The following CDH13 variants were observed in gnomAD, a reference collection of about 807,000 sequenced individuals.
CDH13 encodes cadherin-13.
Under a neutral mutation model 63.8 loss-of-function variants are expected in CDH13, and 24 were observed. The ratio of observed to expected loss-of-function variants is 0.38; its 90% CI spans 0.27 to 0.53. The LOEUF (loss-of-function observed/expected upper bound fraction) is 0.53. CDH13 is among the 20% of genes least tolerant of loss of function. The pLI, the probability that CDH13 is intolerant of heterozygous loss-of-function variation, is 0.85. For synonymous variants in CDH13, 503 were observed against 355.3 expected (o/e 1.42, Z -4.67); for missense variants, 1,049 against 903.1 (o/e 1.16, Z -2.07).
intron 6 of CDH13, among the ~76,000 whole-genome samples, chr16:83,363,364 A>G (rs932349635): frequency 1.3e-4 from 20 of 152,224 alleles, no homozygotes; most frequent in African/African-American, 4.6e-4. Context: ...ATATGTGAGT[A>G]TGCATGTGTG....
At chr16:83,781,937 A>T (rs2113147) in intron 12 of CDH13, among the ~76,000 whole-genome samples, 21,167 of 151,926 alleles carry the variant, frequency 0.14, 1,969 homozygotes, top group East Asian at 0.45. Flanking sequence ...ATTAAAAAAA[A>T]AAAGAAGAAA....
intron 1 of CDH13, among the ~76,000 whole-genome samples, chr16:82,675,030 T>G (rs1270291718): frequency 6.6e-6 from 1 of 152,202 alleles, no homozygotes; most frequent in Non-Finnish European, 1.5e-5. Flanking sequence ...TACCTTTATT[T>G]CTATTCTAAT....
At chr16:83,516,894 T>G (rs1410769796) in intron 7 of CDH13, among the ~76,000 whole-genome samples, 1 of 152,188 alleles carries the variant, frequency 6.6e-6, no homozygotes, top group Non-Finnish European at 1.5e-5. Flanking sequence ...GAAGTGGTAT[T>G]TATTTTGAGA....
At chr16:82,725,583 G>T (rs1388255126) in intron 1 of CDH13, among the ~76,000 whole-genome samples, 1 of 152,194 alleles carries the variant, frequency 6.6e-6, no homozygotes, top group Non-Finnish European at 1.5e-5. Context: ...CTGGCACATG[G>T]TGACCTCTTA....
intron 7 of CDH13, among the ~76,000 whole-genome samples, chr16:83,517,830 C>G (rs899736939): frequency 6.6e-6 from 1 of 152,164 alleles, no homozygotes; most frequent in Non-Finnish European, 1.5e-5. Context: ...ATAGAATACA[C>G]GTGGCACTCT....
At chr16:83,659,492 C>G (rs920831833) in intron 8 of CDH13, among the ~76,000 whole-genome samples, 8 of 152,244 alleles carry the variant, frequency 5.3e-5, no homozygotes, top group Admixed American at 5.2e-4. Context: ...CTAAAAGGGA[C>G]CTCAGTGGTT....
chr16:83,774,441 C>A (rs1352664503), intron 11 of CDH13, among the ~76,000 whole-genome samples: 1 of 152,078 alleles, frequency 6.6e-6, no homozygotes, highest in Non-Finnish European at 1.5e-5. Flanking sequence ...GGTGCAGTCT[C>A]AGCTCACTGC....
rs1414117707 is a variant in CDH13, at chr16:82,851,774, A to G, written c.46-6588A>G. ...GCAGTATGCCTTTGTAAACCCTTCC[A>G]GGACTCTGGGTTTGTGCTCCCTGGG... On this transcript the variant is annotated intron_variant, in intron 1 of 13. Coordinates refer to ENST00000567109, the MANE Select transcript of CDH13 (RefSeq NM_001257.5). 2.0e-5 allele frequency among the ~76,000 whole-genome samples: 3 copies of G among 152,054 alleles called. No individual in the cohort carries two copies. The East Asian group carries it at 5.8e-4, about 29-fold the overall frequency.
At chr16:82,942,172 G>A (rs549207322) in intron 2 of CDH13, among the ~76,000 whole-genome samples, 5 of 152,192 alleles carry the variant, frequency 3.3e-5, no homozygotes, top group African/African-American at 1.2e-4. Flanking sequence ...CTTTTCGTAG[G>A]TTTCATGATT....
chr16:83,377,989 A>G (rs2091488223), intron 6 of CDH13, among the ~76,000 whole-genome samples: 1 of 152,158 alleles, frequency 6.6e-6, no homozygotes, highest in African/African-American at 2.4e-5. Flanking sequence ...ATGTAAAACA[A>G]ATATATCCCT....
chr16:83,697,931 A>G (rs1410283762), intron 10 of CDH13, among the ~76,000 whole-genome samples: 1 of 152,226 alleles, frequency 6.6e-6, no homozygotes, highest in Non-Finnish European at 1.5e-5. Flanking sequence ...TACAGGCGTG[A>G]GCCACTGCAC....
At chr16:83,155,723 A>G (rs2037179950) in intron 4 of CDH13, among the ~76,000 whole-genome samples, 1 of 152,188 alleles carries the variant, frequency 6.6e-6, no homozygotes, top group African/African-American at 2.4e-5. Flanking sequence ...AGATGAGGAG[A>G]GGAAACAACA....
At chr16:82,856,134 T>G (rs1012840468) in intron 1 of CDH13, among the ~76,000 whole-genome samples, 3 of 152,134 alleles carry the variant, frequency 2.0e-5, no homozygotes, top group Admixed American at 2.0e-4. Flanking sequence ...CCCAGCACTT[T>G]GGGAGGCCGA....
chr16:82,749,691 A>C (rs755716404), intron 1 of CDH13, among the ~76,000 whole-genome samples: 1 of 152,014 alleles, frequency 6.6e-6, no homozygotes, highest in Non-Finnish European at 1.5e-5. Context: ...ACCTCCTTAA[A>C]CTTAACGTAT....
chr16:82,689,954 G>T (rs1268499441), intron 1 of CDH13, among the ~76,000 whole-genome samples: 1 of 114,120 alleles, frequency 8.8e-6, no homozygotes, highest in African/African-American at 3.4e-5. Flanking sequence ...ACACCAGCCT[G>T]ACCAACATGG....
intron 2 of CDH13, among the ~76,000 whole-genome samples, chr16:82,945,106 A>G (rs925177358): frequency 1.3e-5 from 2 of 152,208 alleles, no homozygotes; most frequent in African/African-American, 4.8e-5. Context: ...AAAACAGTGT[A>G]GAGAAAGCTT....
chr16:82,800,266 G>T (rs986054407), intron 1 of CDH13, among the ~76,000 whole-genome samples: 11 of 152,034 alleles, frequency 7.2e-5, no homozygotes, highest in African/African-American at 1.9e-4. Flanking sequence ...GAGGAAGTTG[G>T]GTCTCATTCA....
At chr16:82,735,289 C>G (rs2033616935) in intron 1 of CDH13, among the ~76,000 whole-genome samples, 1 of 152,196 alleles carries the variant, frequency 6.6e-6, no homozygotes, top group African/African-American at 2.4e-5. Context: ...TATTTAATCA[C>G]AAACGTTCCA....
At chr16:83,438,758 C>G (rs768347086) in intron 6 of CDH13, among the ~76,000 whole-genome samples, 1 of 152,176 alleles carries the variant, frequency 6.6e-6, no homozygotes, top group Admixed American at 6.5e-5. Context: ...GGTTGTCTGA[C>G]AATATTTCTT....
Sources: allele counts gnomAD v4.1 joint callset (sites outside exome capture counted in the v4.1 genomes callset), GRCh38; gene constraint gnomAD v4.1.1; transcripts MANE v1.5; gene names NCBI Gene and HGNC (gene_info 2026-07-23, HGNC 2026-07-21).